Variants in ZAP70 observed in about 807,000 individuals in gnomAD.
The protein encoded by ZAP70 is zeta chain of T cell receptor associated protein kinase 70.
A neutral mutation model predicts 65.8 loss-of-function variants in ZAP70; 27 were observed. That is an observed-to-expected ratio of 0.41 (90% CI 0.30 to 0.57). ZAP70 has a LOEUF of 0.57. ZAP70 is among the 20% of genes least tolerant of loss of function. ZAP70 has a pLI of 0.28. For missense variants in ZAP70, 696 were observed against 870.5 expected (o/e 0.80, Z 2.52); for synonymous variants, 363 against 360.8 (o/e 1.01, Z -0.07).
At position 97,735,429 on chromosome 2, in the gene ZAP70, C is replaced by T. The variant is rs766625540; in HGVS notation, c.1262C>T (p.Pro421Leu). The T allele has an allele frequency of 3.1e-6, 5 of 1,612,778 alleles. No individual in the cohort carries two copies. Among genetic ancestry groups the T allele is most frequent in the Non-Finnish European group, 4.2e-6 (5 of 1,179,132 alleles). The change falls in exon 10 of 14, where the codon CCG becomes CTG. Residue 421 changes from proline (P) to leucine (L), a missense_variant. Pro to Leu is a moderately conservative substitution (Grantham distance 98). Transcript: ENST00000264972. ...MLVMEMAGGG[P>L]LHKFLVGKRE... The stretch of plus-strand genomic sequence containing the variant: ...GTCATGGAGATGGCTGGGGGCGGGC[C>T]GCTGCACAAGTTCCTGGTCGGCAAG...
At chr2:97,734,940 A>C (rs979758457) in intron 9 of ZAP70, 1 of 697,066 alleles carries the variant, frequency 1.4e-6, no homozygotes, top group Non-Finnish European at 2.4e-6. Flanking sequence ...TGAAGTTCCC[A>C]ACCCAGGGGA....
chr2:97,718,126 C>A (rs535063108), intron 2 of ZAP70, among the ~76,000 whole-genome samples: 1 of 152,296 alleles, frequency 6.6e-6, no homozygotes, highest in South Asian at 2.1e-4. Context: ...AGGGACGCGG[C>A]TCCTAACCCA....
At chr2:97,738,436 G>A (rs1481361381) in intron 13 of ZAP70, 2 of 397,444 alleles carry the variant, frequency 5.0e-6, no homozygotes, top group Non-Finnish European at 9.6e-6. Context: ...TGACACTCAG[G>A]GCATGAGATG....
At chr2:97,742,724 G>A (rs752124629), downstream of ZAP70, among the ~76,000 whole-genome samples, 3 of 152,200 alleles carry the variant, frequency 2.0e-5, no homozygotes, top group African/African-American at 4.8e-5. Context: ...TGGGTGCCTC[G>A]AACACACAAC....
At chr2:97,740,594 G>A (rs995750737), downstream of ZAP70, among the ~76,000 whole-genome samples, 1 of 152,188 alleles carries the variant, frequency 6.6e-6, no homozygotes, top group African/African-American at 2.4e-5. Context: ...ATTAAAAAAT[G>A]GGTGTCAAGT....
At position 97,737,728 on chromosome 2, in the gene ZAP70, C is replaced by T. The variant is rs1677960845; in HGVS notation, c.1483-29C>T. 2 of 1,614,000 alleles carry T rather than the reference C, an allele frequency of 1.2e-6. No homozygotes were observed. Among genetic ancestry groups the T allele is most frequent in the Non-Finnish European group, 1.7e-6 (2 of 1,180,012 alleles). Reference sequence around the variant, plus strand: ...TGGGTGGGTAGAGGGTCCCTGACCCCTGATCCAGCAGCATCTCCCCCTCCC... The same window carrying T: ...TGGGTGGGTAGAGGGTCCCTGACCCTTGATCCAGCAGCATCTCCCCCTCCC... On this transcript the variant is annotated intron_variant, in intron 11 of 13. Transcript: ENST00000264972. The surrounding 1 kb of genome is among the most constrained non-coding windows in gnomAD (Gnocchi z 5.0).
intron 2 of ZAP70, among the ~76,000 whole-genome samples, chr2:97,722,447 G>C (rs1335610422): frequency 3.9e-5 from 6 of 152,236 alleles, no homozygotes; most frequent in African/African-American, 1.4e-4. Context: ...CCCAACCATA[G>C]TGCTGAAATG....
chr2:97,729,757 T>C (rs1396869614), intron 4 of ZAP70, among the ~76,000 whole-genome samples: 1 of 151,690 alleles, frequency 6.6e-6, no homozygotes, highest in Non-Finnish European at 1.5e-5. Context: ...GTAGAACTTA[T>C]GGTACTGAAA....
downstream of ZAP70, among the ~76,000 whole-genome samples, chr2:97,741,944 A>G (rs1376493606): frequency 1.3e-5 from 2 of 152,326 alleles, no homozygotes; most frequent in African/African-American, 4.8e-5. Flanking sequence ...AGAGGGGCCA[A>G]TCTGGTGGGC....
At chr2:97,742,147 G>A (rs1234054288), downstream of ZAP70, among the ~76,000 whole-genome samples, 3 of 152,148 alleles carry the variant, frequency 2.0e-5, no homozygotes, top group Non-Finnish European at 4.4e-5. Context: ...GGCCTGGTGC[G>A]GTGATCAAGA....
chr2:97,734,254 G>A, intron 8 of ZAP70: 8 of 925,316 alleles, frequency 8.6e-6, no homozygotes, highest in South Asian at 4.1e-5. Flanking sequence ...CACCCCAGCT[G>A]GCACAGTAAC....
chr2:97,749,265 T>A, the ZAP70 span, among the ~76,000 whole-genome samples: 13 of 152,274 alleles, frequency 8.5e-5, no homozygotes, highest in African/African-American at 2.9e-4. Flanking sequence ...TGCCTCGGCC[T>A]CCCAAAGTGC....
In ZAP70 at chr2:97,731,618, C is replaced by T. The variant is rs1227062880; in HGVS notation, c.564-1265C>T. 2.0e-5 allele frequency among the ~76,000 whole-genome samples: 3 copies of T among 152,154 alleles called. No homozygotes were observed. Among genetic ancestry groups the T allele is most frequent in the African/African-American group, 7.2e-5 (3 of 41,426 alleles). ...GGAATGGAGAGGATGGTCACAGCTG[C>T]ACCTCTCTCCCTCACTCAGGGGACA... On this transcript the variant is annotated intron_variant, in intron 4 of 13. Coordinates refer to ENST00000264972, the MANE Select transcript of ZAP70 (RefSeq NM_001079.4). The surrounding 1 kb of genome is among the most constrained non-coding windows in gnomAD (Gnocchi z 4.0).
the ZAP70 span, among the ~76,000 whole-genome samples, chr2:97,755,994 A>G: frequency 2.0e-5 from 3 of 152,258 alleles, no homozygotes; most frequent in African/African-American, 7.2e-5. Flanking sequence ...GGAGTAACCC[A>G]ACATATCCCA....
At chr2:97,752,788 TTC>T in the ZAP70 span, among the ~76,000 whole-genome samples, 1 of 152,208 alleles carries the variant, frequency 6.6e-6, no homozygotes, top group South Asian at 2.1e-4. Flanking sequence ...TAAACATTTG[TTC>T]TTTTATTTTT....
chr2:97,752,679 A>C, the ZAP70 span, among the ~76,000 whole-genome samples: 1 of 152,254 alleles, frequency 6.6e-6, no homozygotes, highest in African/African-American at 2.4e-5. Context: ...TGTCTTTGTT[A>C]TCCAACTTCT....
chr2:97,752,640 C>G, the ZAP70 span, among the ~76,000 whole-genome samples: 1 of 152,224 alleles, frequency 6.6e-6, no homozygotes, highest in Non-Finnish European at 1.5e-5. Flanking sequence ...TTTACTATTA[C>G]TATAGCTAAG....
intron 3 of ZAP70, 147 bp downstream of exon 3, chr2:97,724,585 A>G (rs1229662463): frequency 6.5e-7 from 1 of 1,534,004 alleles, no homozygotes; most frequent in African/African-American, 1.4e-5. Context: ...CTGGTTGGGG[A>G]AGAACCTGAA....
chr2:97,734,240 T>G (rs1677745666), intron 8 of ZAP70: 4 of 796,044 alleles, frequency 5.0e-6, no homozygotes, highest in African/African-American at 3.5e-5. Flanking sequence ...TGCACACACA[T>G]GCACACCCCA....
Sources: gnomAD v4.1 joint callset for allele counts (sites outside exome capture counted in the v4.1 genomes callset) on GRCh38, gnomAD v4.1.1 for gene constraint, Gnocchi (gnomAD v3.1) non-coding constraint, MANE v1.5 for transcripts, NCBI Gene and HGNC (gene_info 2026-07-23, HGNC 2026-07-21) for gene names.